The following PDE11A variants were observed in gnomAD, a reference collection of about 807,000 sequenced individuals.
The protein encoded by PDE11A is dual 3',5'-cyclic-AMP and -GMP phosphodiesterase 11A.
PDE11A carries 100 observed loss-of-function variants against 100.5 expected under a neutral mutation model. The observed-to-expected ratio is 1.00, with a 90% CI of 0.85 to 1.18. The LOEUF (loss-of-function observed/expected upper bound fraction) is 1.18. Among genes scored for constraint, PDE11A ranks in the 50% most tolerant of loss-of-function variants. PDE11A has a pLI of 0.00. For synonymous variants in PDE11A, 381 were observed against 420.8 expected (o/e 0.91, Z 1.16); for missense variants, 1,141 against 1,152.6 (o/e 0.99, Z 0.15).
chr2:177,859,269 T>TA (rs1238296786), intron 5 of PDE11A, among the ~76,000 whole-genome samples: 4 of 151,718 alleles, frequency 2.6e-5, no homozygotes, highest in South Asian at 4.2e-4. Flanking sequence ...AAATAAACTT[T>TA]AAAAAAATCC....
intron 2 of PDE11A, among the ~76,000 whole-genome samples, chr2:178,088,274 T>G (rs962512208): frequency 1.3e-5 from 2 of 152,238 alleles, no homozygotes; most frequent in African/African-American, 2.4e-5. Flanking sequence ...TATGTTAATA[T>G]TTCAGAAGAA....
chr2:177,915,592 A>G (rs1330463421), intron 2 of PDE11A, among the ~76,000 whole-genome samples: 1 of 152,188 alleles, frequency 6.6e-6, no homozygotes, highest in Non-Finnish European at 1.5e-5. Flanking sequence ...TTATCCATTC[A>G]CCTATTGAAG....
intron 9 of PDE11A, among the ~76,000 whole-genome samples, chr2:177,804,390 C>T (rs2082836681): frequency 6.6e-6 from 1 of 151,964 alleles, no homozygotes; most frequent in South Asian, 2.1e-4. Context: ...TACCATTTTA[C>T]ACCAGTTATA....
intron 5 of PDE11A, among the ~76,000 whole-genome samples, chr2:177,851,878 T>C (rs1176868434): frequency 1.3e-5 from 2 of 152,098 alleles, no homozygotes. Flanking sequence ...TTAGTTATTT[T>C]TCCCATTCCT....
intron 1 of PDE11A, among the ~76,000 whole-genome samples, chr2:178,106,680 C>T (rs2105891380): frequency 6.6e-6 from 1 of 152,146 alleles, no homozygotes; most frequent in South Asian, 2.1e-4. Flanking sequence ...CAGATTGAGG[C>T]TGGGCATGGT....
intron 9 of PDE11A, among the ~76,000 whole-genome samples, chr2:177,770,013 A>G (rs1469895983): frequency 6.6e-6 from 1 of 151,992 alleles, no homozygotes; most frequent in African/African-American, 2.4e-5. Context: ...TGCGATCTGT[A>G]GCAAACACTG....
chr2:177,874,963 C>T (rs565138919), intron 5 of PDE11A, among the ~76,000 whole-genome samples: 1 of 152,122 alleles, frequency 6.6e-6, no homozygotes, highest in Non-Finnish European at 1.5e-5. Flanking sequence ...GTGGTTCGCA[C>T]CTGTAATGCT....
intron 2 of PDE11A, among the ~76,000 whole-genome samples, chr2:177,965,875 T>A (rs796292328): frequency 3.3e-5 from 5 of 152,342 alleles, no homozygotes; most frequent in African/African-American, 1.2e-4. Context: ...TTTAAAATAG[T>A]TTTTTCTAAT....
intron 2 of PDE11A, among the ~76,000 whole-genome samples, chr2:177,945,768 G>C (rs2085410456): frequency 6.6e-6 from 1 of 151,566 alleles, no homozygotes; most frequent in Non-Finnish European, 1.5e-5. Flanking sequence ...GCCCCATCCG[G>C]GAGGGAGGTG....
At chr2:177,842,160 C>T (rs2083501950) in intron 5 of PDE11A, among the ~76,000 whole-genome samples, 1 of 152,154 alleles carries the variant, frequency 6.6e-6, no homozygotes, top group South Asian at 2.1e-4. Context: ...TTGAGGTGTT[C>T]TGTGATCACA....
chr2:178,002,277 A>G (rs1285684880), intron 2 of PDE11A, among the ~76,000 whole-genome samples: 1 of 152,142 alleles, frequency 6.6e-6, no homozygotes, highest in African/African-American at 2.4e-5. Context: ...ATAGTATTCC[A>G]TGGTGTCTAT....
intron 11 of PDE11A, 21 bp downstream of exon 11, chr2:177,728,005 C>G (rs761846168): frequency 6.2e-7 from 1 of 1,607,778 alleles, no homozygotes; most frequent in South Asian, 1.1e-5. Context: ...CTGCTTGGAT[C>G]ACCCAAGACA....
chr2:177,793,218 G>C (rs558467427), intron 9 of PDE11A, among the ~76,000 whole-genome samples: 18 of 152,150 alleles, frequency 1.2e-4, no homozygotes, highest in Admixed American at 2.0e-4. Flanking sequence ...AGGGTTTCAG[G>C]CAAGAGGCTG....
At position 178,025,845 on chromosome 2, in the gene PDE11A, C is replaced by T. The variant is rs374924246; in HGVS notation, c.913-11385G>A. Among the ~76,000 whole-genome samples, 14 of 152,166 alleles carry T rather than the reference C, an allele frequency of 9.2e-5. No homozygotes were observed. In the East Asian group the frequency reaches 1.9e-3, roughly 21 times the overall value. ...AACCAGAAGGCACCTTTTTTTCTGA[C>T]ACAGTGAGACCATCTAAGAACTGCA... On this transcript the variant is annotated intron_variant, in intron 1 of 19. Coordinates refer to ENST00000286063, the MANE Select transcript of PDE11A (RefSeq NM_016953.4).
Position 177,623,429 on chromosome 2 carries a change from CG to C in PDE11A, c.*5977del, listed in dbSNP as rs2079790079. 6.6e-6 allele frequency: 1 copy of C among 152,168 alleles called. No homozygotes were observed. Among genetic ancestry groups the C allele is most frequent in the Non-Finnish European group, 1.5e-5 (1 of 68,014 alleles). 9.4% of individuals were successfully genotyped at this position (152,168 alleles called of 1,614,324 possible). A position where few individuals can be genotyped will look rare whatever the true frequency, so the allele number is the denominator to read the frequency against. On this transcript the variant is annotated 3_prime_UTR_variant, in exon 20 of 20. Transcript: ENST00000286063. ...TGATTTCAAACAACTCAATTGAAAACGTATTTCCTTTCTTTCGTGTAAAACA... is the reference window on the plus strand; with the variant it reads ...TGATTTCAAACAACTCAATTGAAAACTATTTCCTTTCTTTCGTGTAAAACA...
intron 1 of PDE11A, among the ~76,000 whole-genome samples, chr2:178,064,388 G>A (rs563684136): frequency 1.3e-4 from 20 of 152,230 alleles, no homozygotes; most frequent in Middle Eastern, 3.4e-3. Flanking sequence ...AGAATCTCAC[G>A]AATAAACAGA....
At chr2:177,720,833 C>T (rs977660917) in intron 12 of PDE11A, among the ~76,000 whole-genome samples, 1 of 152,182 alleles carries the variant, frequency 6.6e-6, no homozygotes, top group African/African-American at 2.4e-5. Flanking sequence ...AAAAACCTTA[C>T]AGTCTATATA....
At chr2:177,962,856 CAAAA>C (rs534119139) in intron 2 of PDE11A, among the ~76,000 whole-genome samples, 2 of 151,558 alleles carry the variant, frequency 1.3e-5, no homozygotes, top group Non-Finnish European at 1.5e-5. Context: ...AAAAAAATCT[CAAAA>C]AAAATCTCAT....
intron 2 of PDE11A, chr2:177,997,733 A>G: frequency 1.3e-6 from 2 of 1,493,496 alleles, no homozygotes; most frequent in Non-Finnish European, 1.9e-6. Flanking sequence ...AAACTGTACA[A>G]CAAACATTCC....
Sources: gnomAD v4.1 joint callset for allele counts (sites outside exome capture counted in the v4.1 genomes callset) on GRCh38, gnomAD v4.1.1 for gene constraint, MANE v1.5 for transcripts, NCBI Gene and HGNC (gene_info 2026-07-23, HGNC 2026-07-21) for gene names.